PCDH15: variants seen among roughly 807,000 people sequenced by gnomAD.
PCDH15 encodes the protein protocadherin-15.
In PCDH15, 129 loss-of-function variants were observed where a neutral mutation model predicts 178.5. That is an observed-to-expected ratio of 0.72 (90% CI 0.63 to 0.84). PCDH15 has a LOEUF of 0.84. Ranked by LOEUF, PCDH15 falls within the 40% of genes least tolerant of loss-of-function variation. The pLI, the probability that PCDH15 is intolerant of heterozygous loss-of-function variation, is 0.00. For synonymous variants in PCDH15, 800 were observed against 732.0 expected, an observed-to-expected ratio of 1.09 and a Z score of -1.50; for missense variants, 2,230 against 2,099.9, an observed-to-expected ratio of 1.06 and a Z score of -1.21.
intron 2 of PCDH15, among the ~76,000 whole-genome samples, chr10:55,428,064 A>C (rs1838798187): frequency 6.6e-6 from 1 of 152,026 alleles, no homozygotes; most frequent in South Asian, 2.1e-4. Context: ...TTTATGTCTT[A>C]AAATGTGGTC....
At chr10:54,059,571 G>A (rs1359903882) in intron 18 of PCDH15, among the ~76,000 whole-genome samples, 1 of 152,166 alleles carries the variant, frequency 6.6e-6, no homozygotes, top group Non-Finnish European at 1.5e-5. Flanking sequence ...ATCAATGGCA[G>A]AGCTCACTAA....
At chr10:54,214,741 C>A (rs1397322215) in intron 9 of PCDH15, among the ~76,000 whole-genome samples, 2 of 152,072 alleles carry the variant, frequency 1.3e-5, no homozygotes, top group Non-Finnish European at 2.9e-5. Flanking sequence ...TAGGCGTGTG[C>A]CACCATGCCT....
chr10:54,085,487 A>G (rs551670488), intron 16 of PCDH15, among the ~76,000 whole-genome samples: 17 of 152,280 alleles, frequency 1.1e-4, no homozygotes, highest in African/African-American at 3.6e-4. Flanking sequence ...AAGTTGCCAT[A>G]TATCTTATTT....
rs528481085 is a variant in PCDH15 at position 55,509,926 on chromosome 10, G to A, written c.-156+117699C>T. On this transcript the variant is annotated intron_variant, in intron 2 of 5. Transcript: ENST00000613346. The stretch of plus-strand genomic sequence containing the variant: ...TAACCGTTTTATTCATGAAGAAATA[G>A]CTAACTAGAGATCAAGAAATTGACA... Among the ~76,000 whole-genome samples, 49 of 152,002 alleles carry A rather than the reference G, an allele frequency of 3.2e-4. 1 individual carries two copies. The South Asian group carries it at 9.7e-3, about 30-fold the overall frequency.
chr10:55,569,539 A>G (rs996649978), intron 2 of PCDH15, among the ~76,000 whole-genome samples: 1 of 151,816 alleles, frequency 6.6e-6, no homozygotes, highest in Non-Finnish European at 1.5e-5. Flanking sequence ...TGTATCAAAT[A>G]CTCAGAGAAC....
At chr10:55,115,007 G>A (rs1164850359) in intron 2 of PCDH15, among the ~76,000 whole-genome samples, 1 of 152,160 alleles carries the variant, frequency 6.6e-6, no homozygotes, top group Non-Finnish European at 1.5e-5. Context: ...AATAGTTAAT[G>A]TTAAGTTATA....
intron 1 of PCDH15, among the ~76,000 whole-genome samples, chr10:54,690,235 CA>C (rs2095095048): frequency 6.6e-6 from 1 of 151,070 alleles, no homozygotes. Context: ...ACAGCATATG[CA>C]ATTATATATA....
In PCDH15 at chr10:55,116,923, T is replaced by C. The variant is rs116711029; in HGVS notation, c.-80+49653A>G. 8.2e-3 allele frequency among the ~76,000 whole-genome samples: 1,243 copies of C among 152,268 alleles called. 15 individuals are homozygous for C. The highest frequency in any genetic ancestry group is 0.027 in the African/African-American group (1,122 of 41,546). ...CTGAAGACACATGGAACAGAAAGAATAGTCTAAACTAACAGGCCTTGCTAA... is the reference window on the plus strand; with the variant it reads ...CTGAAGACACATGGAACAGAAAGAACAGTCTAAACTAACAGGCCTTGCTAA... On this transcript the variant is annotated intron_variant, in intron 2 of 5. Coordinates refer to the PCDH15 transcript ENST00000458638.
chr10:54,211,987 C>A (rs1161523423), intron 10 of PCDH15, among the ~76,000 whole-genome samples: 17 of 150,228 alleles, frequency 1.1e-4, no homozygotes, highest in East Asian at 5.9e-4. Context: ...GCTATTAAAA[C>A]AAAAAAAAAA....
rs1050493358 is a variant in PCDH15 at position 54,721,534 on chromosome 10, AG to A, written c.-28-57245del. On this transcript the variant is annotated intron_variant, in intron 1 of 37. Transcript: ENST00000644397. Reference sequence around the variant, plus strand: ...AAGAAGTACAATGAGAAGTGGTAAAAGTGACATTAAAACTGATACTACAGAA... The same window carrying A: ...AAGAAGTACAATGAGAAGTGGTAAAATGACATTAAAACTGATACTACAGAA... Among the ~76,000 whole-genome samples, 9 of 151,908 alleles carry A rather than the reference AG, an allele frequency of 5.9e-5. 1 individual carries two copies. Among genetic ancestry groups the A allele is most frequent in the Non-Finnish European group, 1.3e-4 (9 of 67,876 alleles).
intron 2 of PCDH15, among the ~76,000 whole-genome samples, chr10:55,371,134 C>A (rs17614623): frequency 0.19 from 29,253 of 151,792 alleles, 2,898 homozygotes; most frequent in Middle Eastern, 0.22. Flanking sequence ...AAGGAAAGGA[C>A]AATTTTTAAA....
intron 2 of PCDH15, among the ~76,000 whole-genome samples, chr10:54,646,656 T>C (rs2094135847): frequency 6.6e-6 from 1 of 152,076 alleles, no homozygotes. Flanking sequence ...GTATTAACAA[T>C]ATTGAGTCTT....
At chr10:54,496,051 A>T (rs2137261363) in intron 3 of PCDH15, among the ~76,000 whole-genome samples, 1 of 152,306 alleles carries the variant, frequency 6.6e-6, no homozygotes, top group Non-Finnish European at 1.5e-5. Context: ...CAGGGGAAAT[A>T]TGATGGGAGG....
chr10:55,006,628 C>A (rs1306239458), intron 2 of PCDH15, among the ~76,000 whole-genome samples: 1 of 151,888 alleles, frequency 6.6e-6, no homozygotes, highest in Non-Finnish European at 1.5e-5. Flanking sequence ...TGTATGGCAC[C>A]TCAACAAACT....
At chr10:54,405,405 T>C (rs1489938082) in intron 3 of PCDH15, among the ~76,000 whole-genome samples, 1 of 151,870 alleles carries the variant, frequency 6.6e-6, no homozygotes, top group East Asian at 1.9e-4. Flanking sequence ...GAGCTGGAGG[T>C]AGTTATCCTT....
intron 2 of PCDH15, among the ~76,000 whole-genome samples, chr10:54,659,655 G>T (rs2094459934): frequency 6.6e-6 from 1 of 151,744 alleles, no homozygotes; most frequent in African/African-American, 2.4e-5. Flanking sequence ...TCAGGAAACT[G>T]AGGCAGGAAA....
At chr10:55,205,146 T>C (rs1239337155) in intron 1 of PCDH15, among the ~76,000 whole-genome samples, 3 of 151,974 alleles carry the variant, frequency 2.0e-5, no homozygotes, top group Admixed American at 1.3e-4. Flanking sequence ...AGAGAAGTGA[T>C]AAAAATAAAA....
rs191266512 is a variant in PCDH15, at chr10:53,933,308, A to T, written c.3373+5507T>A. 3.7e-3 allele frequency among the ~76,000 whole-genome samples: 569 copies of T among 151,752 alleles called. 1 individual carries two copies. The highest frequency in any genetic ancestry group is 0.013 in the African/African-American group (554 of 41,356). ...CAATTAGCATTAGGTATATCTCCTA[A>T]TGCTATCCCTCCCCCCTTCCCCCAC... On this transcript the variant is annotated intron_variant, in intron 25 of 37. Coordinates refer to ENST00000644397, the MANE Select transcript of PCDH15 (RefSeq NM_001384140.1).
chr10:55,591,231 G>A (rs1842836554), intron 2 of PCDH15, among the ~76,000 whole-genome samples: 1 of 152,054 alleles, frequency 6.6e-6, no homozygotes, highest in South Asian at 2.1e-4. Context: ...CCAGAAGTTT[G>A]AGAACAGCCT....
Sources: allele counts gnomAD v4.1 joint callset (sites outside exome capture counted in the v4.1 genomes callset), GRCh38; gene constraint gnomAD v4.1.1; transcripts MANE v1.5; gene names NCBI Gene and HGNC (gene_info 2026-07-23, HGNC 2026-07-21).